Variants in XIRP2 observed in about 807,000 individuals in gnomAD.
XIRP2 encodes xin actin binding repeat containing 2.
XIRP2 carries 236 observed loss-of-function variants against 277.0 expected under a neutral mutation model. That is an observed-to-expected ratio of 0.85 (90% confidence interval 0.77 to 0.95). The LOEUF (loss-of-function observed/expected upper bound fraction) is 0.95. Ranked by LOEUF, XIRP2 falls within the 40% of genes least tolerant of loss-of-function variation. The pLI is 0.00. For synonymous variants in XIRP2, 1,490 were observed against 1,416.5 expected (o/e 1.05, Z -1.17); for missense variants, 4,640 against 4,157.5 (o/e 1.12, Z -3.19).
chr2:167,250,577 G>A lies in XIRP2; in HGVS notation c.9185G>A (p.Ser3062Asn), dbSNP rs1232856358. The A allele has an allele frequency of 3.1e-6, 5 of 1,613,414 alleles. No individual in the cohort carries two copies. The highest frequency in any genetic ancestry group is 1.7e-4 in the Middle Eastern group (1 of 6,056). ...TSSKVSNVHVSNNKNSEQKEN... is the reference protein window; with the variant it reads ...TSSKVSNVHVNNNKNSEQKEN... ...TCCAAAGTATCTAATGTTCATGTCA[G>A]CAATAATAAAAATAGTGAACAGAAA... The change falls in exon 9 of 11, where the codon AGC becomes AAC. Residue 3062 changes from serine (S) to asparagine (N), a missense_variant. Ser to Asn is a conservative substitution (Grantham distance 46). Transcript: ENST00000409195.
At position 167,201,265 on chromosome 2, in the gene XIRP2, A is replaced by AAGGAAG. The variant is rs1463365940; in HGVS notation, c.563-9470_563-9469insAGGAAG. Among the ~76,000 whole-genome samples, 84 of 103,280 alleles carry AAGGAAG rather than the reference A, an allele frequency of 8.1e-4. 2 individuals are homozygous for AAGGAAG. Among genetic ancestry groups the AAGGAAG allele is most frequent in the African/African-American group, 4.4e-3 (68 of 15,418 alleles). 67.8% of individuals were successfully genotyped at this position (103,280 alleles called of 152,430 possible). ...AAGAAAGAAAGAAAGAAAGAAAGAG[A>AAGGAAG]GAGGGAGAAAGGAAAGAAGGAAGGA... On this transcript the variant is annotated intron_variant, in intron 3 of 10. Transcript: ENST00000409195.
Position 167,013,905 on chromosome 2 carries a change from G to T in XIRP2, c.408+110015G>T, listed in dbSNP as rs142374123. Among the ~76,000 whole-genome samples the T allele has an allele frequency of 9.8e-4, 148 of 151,188 alleles. 4 individuals carry two copies. The East Asian group carries it at 0.028, about 28-fold the overall frequency. On this transcript the variant is annotated intron_variant, in intron 2 of 10. Transcript: ENST00000409195. ...CCTCGTTCTCATCCTACAACACTCT[G>T]ATATATCAGCTCAGTATCTAGTATC...
In XIRP2 at chr2:167,214,134, G is replaced by GAAGGAAGCAAGCAAGC. The variant is rs376588444; in HGVS notation, c.723+3242_723+3243insGAAGCAAGCAAGCAAG. Among the ~76,000 whole-genome samples, 8 of 112,102 alleles carry GAAGGAAGCAAGCAAGC rather than the reference G, an allele frequency of 7.1e-5. 1 individual carries two copies. The highest frequency in any genetic ancestry group is 4.3e-4 in the Admixed American group (5 of 11,526). The allele number at this position is 112,102 out of a possible 152,430, so 73.5% of individuals were successfully genotyped here. A position where few individuals can be genotyped will look rare whatever the true frequency, so the allele number is the denominator to read the frequency against. ...GGAAGGAAGGAAGGAAGGAAGGAAG[G>GAAGGAAGCAAGCAAGC]AAGCAAAGAGAAAGAGAAAGAAGGA... On this transcript the variant is annotated intron_variant, in intron 4 of 10. Transcript: ENST00000409195.
At chr2:167,233,757 T>C in intron 5 of XIRP2, among the ~76,000 whole-genome samples, 1 of 151,808 alleles carries the variant, frequency 6.6e-6, no homozygotes, top group East Asian at 1.9e-4. Context: ...CCTGTAAGAC[T>C]CTAAGTTTCA....
At chr2:167,229,321 T>C (rs1302195626) in intron 5 of XIRP2, among the ~76,000 whole-genome samples, 1 of 152,130 alleles carries the variant, frequency 6.6e-6, no homozygotes, top group Non-Finnish European at 1.5e-5. Flanking sequence ...AATTCTCAAG[T>C]GTTTAGACAA....
At chr2:167,169,140 C>T (rs1692610026) in intron 3 of XIRP2, among the ~76,000 whole-genome samples, 1 of 152,084 alleles carries the variant, frequency 6.6e-6, no homozygotes, top group South Asian at 2.1e-4. Context: ...CTTTTATAGT[C>T]CTATGATTAG....
In XIRP2 at chr2:167,251,424, A is replaced by G. The variant is rs1695499105; in HGVS notation, c.10032A>G (p.Pro3344=). Residue 3344 remains proline (P), a synonymous_variant, in exon 9 of 11, where the codon CCA becomes CCG. Coordinates refer to ENST00000409195, the MANE Select transcript of XIRP2 (RefSeq NM_152381.6). ...GGTTCAGGGAATTTGAGCATGGCCCAGTTTCTGAAGCAAAGTCAAATAGAA... is the reference window on the plus strand; with the variant it reads ...GGTTCAGGGAATTTGAGCATGGCCCGGTTTCTGAAGCAAAGTCAAATAGAA... ...NRWFREFEHG[P]VSEAKSNRRV... is the part of the protein sequence containing the mutation. 1 of 1,613,684 alleles carries G rather than the reference A, an allele frequency of 6.2e-7. No individual in the cohort carries two copies. The highest frequency in any genetic ancestry group is 8.5e-7 in the Non-Finnish European group (1 of 1,179,708).
Position 167,242,759 on chromosome 2 carries a change from C to T in XIRP2, c.1367C>T (p.Pro456Leu). 6.2e-7 allele frequency: 1 copy of T among 1,614,072 alleles called. No individual in the cohort carries two copies. The highest frequency in any genetic ancestry group is 8.5e-7 in the Non-Finnish European group (1 of 1,179,940). Residue 456 changes from proline (P) to leucine (L), a missense_variant, in exon 9 of 11, where the codon CCA (proline) becomes CTA (leucine). Pro to Leu is a moderately conservative substitution (Grantham distance 98). Coordinates refer to ENST00000409195, the MANE Select transcript of XIRP2 (RefSeq NM_152381.6). ...SGMTEEFPPP[P>L]PDVLQTSVDV... ...ATGACAGAAGAATTTCCTCCTCCCC[C>T]ACCTGACGTACTTCAAACTTCAGTA...
At chr2:167,125,465 T>G (rs112261031) in intron 2 of XIRP2, among the ~76,000 whole-genome samples, 4,628 of 152,260 alleles carry the variant, frequency 0.03, 75 homozygotes, top group East Asian at 0.049. Flanking sequence ...AGTCCACCAC[T>G]GTCTTAAGTG....
At chr2:167,138,288 TA>T in intron 3 of XIRP2, among the ~76,000 whole-genome samples, 1 of 152,322 alleles carries the variant, frequency 6.6e-6, no homozygotes, top group South Asian at 2.1e-4. Context: ...CCTGCATATT[TA>T]AAATTTAGTA....
chr2:167,155,957 A>G (rs1452123699), intron 3 of XIRP2, among the ~76,000 whole-genome samples: 9 of 150,204 alleles, frequency 6.0e-5, no homozygotes, highest in Non-Finnish European at 1.2e-4. Flanking sequence ...CCAATAACAG[A>G]CAAACAGAGA....
chr2:167,128,332 A>T (rs1420263753), intron 2 of XIRP2, among the ~76,000 whole-genome samples: 1 of 152,166 alleles, frequency 6.6e-6, no homozygotes, highest in Non-Finnish European at 1.5e-5. Context: ...CCCTTGCGCA[A>T]CACAGGTCTA....
At chr2:167,123,937 G>T (rs1239442205) in intron 2 of XIRP2, 3 of 152,162 alleles carry the variant, frequency 2.0e-5, no homozygotes, top group Non-Finnish European at 4.4e-5. Context: ...GATGTGCTGA[G>T]TGCACAGGAA....
chr2:167,063,825 G>A (rs1160131042), intron 2 of XIRP2, among the ~76,000 whole-genome samples: 1 of 150,472 alleles, frequency 6.6e-6, no homozygotes, highest in Non-Finnish European at 1.5e-5. Context: ...ATTTTAAGTG[G>A]GTTTCTTTTT....
rs761565836 is a variant in XIRP2, at chr2:167,246,203, A to G, written c.4811A>G (p.Asp1604Gly). 1 of 1,613,158 alleles carries G rather than the reference A, an allele frequency of 6.2e-7. No individual in the cohort carries two copies. Among genetic ancestry groups the G allele is most frequent in the South Asian group, 1.1e-5 (1 of 90,900 alleles). ...EIQKEEIIRADLRNIMVNLLS... is the reference protein window; with the variant it reads ...EIQKEEIIRAGLRNIMVNLLS... ...CAGAAAGAAGAAATTATCAGGGCTG[A>G]TCTCAGAAATATAATGGTGAACCTA... Residue 1604 changes from aspartate to glycine, a missense_variant, in exon 9 of 11, where the codon GAT (aspartate) becomes GGT (glycine). Asp to Gly is a moderately conservative substitution (Grantham distance 94). Coordinates refer to ENST00000409195, the MANE Select transcript of XIRP2 (RefSeq NM_152381.6).
intron 2 of XIRP2, among the ~76,000 whole-genome samples, chr2:167,044,277 A>T (rs971461269): frequency 8.5e-5 from 13 of 152,122 alleles, no homozygotes; most frequent in Non-Finnish European, 1.9e-4. Context: ...CTTACCTCAG[A>T]ATAATAAGAG....
At chr2:167,177,175 T>A (rs1692872216) in intron 3 of XIRP2, among the ~76,000 whole-genome samples, 2 of 152,326 alleles carry the variant, frequency 1.3e-5, no homozygotes, top group African/African-American at 4.8e-5. Flanking sequence ...TTTATCTACA[T>A]CTATGGTAGC....
chr2:167,088,402 G>T (rs1690028292), intron 2 of XIRP2, among the ~76,000 whole-genome samples: 1 of 152,042 alleles, frequency 6.6e-6, no homozygotes, highest in Non-Finnish European at 1.5e-5. Flanking sequence ...CCCACTTAAA[G>T]TCACTTAATC....
At chr2:167,026,642 C>A (rs193275145) in intron 2 of XIRP2, among the ~76,000 whole-genome samples, 34 of 152,202 alleles carry the variant, frequency 2.2e-4, no homozygotes, top group Non-Finnish European at 4.3e-4. Flanking sequence ...TCTTTTAGGG[C>A]AGGCCTGGTG....
Sources: allele counts gnomAD v4.1 joint callset (sites outside exome capture counted in the v4.1 genomes callset), GRCh38; gene constraint gnomAD v4.1.1; transcripts MANE v1.5; gene names NCBI Gene and HGNC (gene_info 2026-07-23, HGNC 2026-07-21).